The following HEMK2 variants were observed in gnomAD, a reference collection of about 807,000 sequenced individuals.
The protein encoded by HEMK2 is HemK methyltransferase 2, ETF1 glutamine and histone H4 lysine.
chr21:28,661,734 G>A, the HEMK2 span, among the ~76,000 whole-genome samples: 10 of 152,054 alleles, frequency 6.6e-5, no homozygotes, highest in African/African-American at 2.2e-4. Flanking sequence ...TGACAGAAAC[G>A]TTCTGTATCT....
the HEMK2 span, among the ~76,000 whole-genome samples, chr21:28,631,180 A>G: frequency 7.9e-5 from 12 of 152,296 alleles, no homozygotes; most frequent in South Asian, 2.3e-3. Flanking sequence ...ACAGTTTCAG[A>G]GGGACCAGCT....
At chr21:28,864,113 G>A in the HEMK2 span, among the ~76,000 whole-genome samples, 7 of 152,146 alleles carry the variant, frequency 4.6e-5, no homozygotes, top group African/African-American at 1.4e-4. Context: ...TTACAGGCAT[G>A]AGCCACTGTG....
chr21:28,669,268 A>G, the HEMK2 span, among the ~76,000 whole-genome samples: 5 of 152,146 alleles, frequency 3.3e-5, no homozygotes, highest in African/African-American at 1.2e-4. Context: ...GTGAAGCAGG[A>G]AAATCTCTTG....
chr21:28,777,631 G>C, the HEMK2 span, among the ~76,000 whole-genome samples: 1 of 152,186 alleles, frequency 6.6e-6, no homozygotes, highest in Non-Finnish European at 1.5e-5. Flanking sequence ...GCTTAGGATA[G>C]ACCAGCAACT....
At chr21:28,799,268 G>C in the HEMK2 span, among the ~76,000 whole-genome samples, 1 of 152,204 alleles carries the variant, frequency 6.6e-6, no homozygotes, top group Admixed American at 6.5e-5. Flanking sequence ...GTCTCACATG[G>C]TGGCAAACAA....
chr21:28,687,045 A>G, the HEMK2 span, among the ~76,000 whole-genome samples: 8 of 152,208 alleles, frequency 5.3e-5, no homozygotes, highest in Admixed American at 3.9e-4. Context: ...AGGTTGAACA[A>G]AAGGATATAA....
chr21:28,850,962 T>A, the HEMK2 span, among the ~76,000 whole-genome samples: 2 of 147,920 alleles, frequency 1.4e-5, no homozygotes, highest in Non-Finnish European at 3.0e-5. Flanking sequence ...TCCTGTAACT[T>A]ACTTGTGCCC....
chr21:28,593,486 C>T, the HEMK2 span, among the ~76,000 whole-genome samples: 1 of 152,136 alleles, frequency 6.6e-6, no homozygotes, highest in Non-Finnish European at 1.5e-5. Context: ...AGACCCAGAT[C>T]CCAGGTCTTG....
At chr21:28,783,268 T>C in the HEMK2 span, among the ~76,000 whole-genome samples, 6 of 152,082 alleles carry the variant, frequency 3.9e-5, no homozygotes, top group Non-Finnish European at 8.8e-5. Context: ...CACTGCAACC[T>C]CTGCCTCCTG....
chr21:28,641,177 T>A, the HEMK2 span, among the ~76,000 whole-genome samples: 1 of 152,166 alleles, frequency 6.6e-6, no homozygotes, highest in Admixed American at 6.5e-5. Flanking sequence ...AGATAGAAGG[T>A]ACCAGCAATT....
chr21:28,659,132 C>T, the HEMK2 span, among the ~76,000 whole-genome samples: 2 of 152,058 alleles, frequency 1.3e-5, no homozygotes, highest in Non-Finnish European at 2.9e-5. Flanking sequence ...TTTTTGTCCA[C>T]AAAGATATTC....
At chr21:28,837,328 A>T in the HEMK2 span, among the ~76,000 whole-genome samples, 2 of 152,244 alleles carry the variant, frequency 1.3e-5, no homozygotes, top group African/African-American at 4.8e-5. Context: ...TAAGAAAATT[A>T]AAATTATATC....
the HEMK2 span, among the ~76,000 whole-genome samples, chr21:28,841,053 A>ATAT: frequency 5.5e-4 from 28 of 51,294 alleles, no homozygotes; most frequent in South Asian, 2.2e-3. Flanking sequence ...ATAAATAAAT[A>ATAT]TTATATATAA....
At chr21:28,752,966 A>C in the HEMK2 span, among the ~76,000 whole-genome samples, 4 of 152,124 alleles carry the variant, frequency 2.6e-5, no homozygotes, top group Non-Finnish European at 5.9e-5. Context: ...TGGCATCATG[A>C]ACCACGAATG....
At chr21:28,791,181 C>A in the HEMK2 span, among the ~76,000 whole-genome samples, 1 of 152,108 alleles carries the variant, frequency 6.6e-6, no homozygotes, top group African/African-American at 2.4e-5. Context: ...ACACCCCACA[C>A]TCATGAAATC....
the HEMK2 span, among the ~76,000 whole-genome samples, chr21:28,657,850 G>A: frequency 6.6e-6 from 1 of 151,990 alleles, no homozygotes; most frequent in Non-Finnish European, 1.5e-5. Context: ...AGATAGACTT[G>A]GATTGAAACA....
the HEMK2 span, among the ~76,000 whole-genome samples, chr21:28,600,761 C>A: frequency 6.6e-6 from 1 of 152,180 alleles, no homozygotes; most frequent in Non-Finnish European, 1.5e-5. Flanking sequence ...CCCAAGTCAC[C>A]TCTTGGATGT....
At chr21:28,831,514 A>AGAAAGAAG in the HEMK2 span, among the ~76,000 whole-genome samples, 10 of 94,870 alleles carry the variant, frequency 1.1e-4, no homozygotes, top group Non-Finnish European at 1.8e-4. Context: ...AAAGAAAGAA[A>AGAAAGAAG]GAAAGAAAGA....
chr21:28,793,212 T>C, the HEMK2 span, among the ~76,000 whole-genome samples: 3 of 152,308 alleles, frequency 2.0e-5, no homozygotes, highest in South Asian at 2.1e-4. Flanking sequence ...AGTCAAGAGA[T>C]TGGGGCTCTC....
Sources: allele counts gnomAD v4.1 joint callset (sites outside exome capture counted in the v4.1 genomes callset), GRCh38; gene constraint gnomAD v4.1.1; transcripts MANE v1.5; gene names NCBI Gene and HGNC (gene_info 2026-07-23, HGNC 2026-07-21).